FAM13C: variants seen among roughly 807,000 people sequenced by gnomAD.
FAM13C encodes protein FAM13C.
In FAM13C, 37 loss-of-function variants were observed where a neutral mutation model predicts 73.2. The ratio of observed to expected loss-of-function variants is 0.51; its 90% CI spans 0.39 to 0.67. The LOEUF (loss-of-function observed/expected upper bound fraction) is 0.67. Among genes scored for constraint, FAM13C ranks in the 30% least tolerant of loss-of-function variants. FAM13C has a pLI of 0.00. For synonymous variants in FAM13C, 246 were observed against 260.9 expected (o/e 0.94, Z 0.55); for missense variants, 589 against 715.6 (o/e 0.82, Z 2.02).
At chr10:59,312,690 C>G (rs1564566644) in intron 4 of FAM13C, among the ~76,000 whole-genome samples, 1 of 152,208 alleles carries the variant, frequency 6.6e-6, no homozygotes, top group Non-Finnish European at 1.5e-5. Flanking sequence ...CAGTTCAGCA[C>G]ACTCCAGCTT....
intron 10 of FAM13C, among the ~76,000 whole-genome samples, chr10:59,260,285 T>C (rs896411100): frequency 2.6e-5 from 4 of 152,206 alleles, no homozygotes; most frequent in African/African-American, 9.6e-5. Context: ...AATCACGTCA[T>C]GTCACTTTTC....
At chr10:59,330,639 T>C (rs1851847370) in intron 3 of FAM13C, among the ~76,000 whole-genome samples, 2 of 152,042 alleles carry the variant, frequency 1.3e-5, no homozygotes, top group African/African-American at 4.8e-5. Flanking sequence ...ATAGCTGCCT[T>C]GAGTATTTTG....
At chr10:59,351,836 A>G (rs567983647) in intron 3 of FAM13C, among the ~76,000 whole-genome samples, 7 of 152,224 alleles carry the variant, frequency 4.6e-5, no homozygotes, top group Non-Finnish European at 7.4e-5. Flanking sequence ...TCTACTAAAA[A>G]TACAAAAAAA....
At chr10:59,281,248 T>C (rs1024724917) in intron 6 of FAM13C, among the ~76,000 whole-genome samples, 2 of 152,172 alleles carry the variant, frequency 1.3e-5, no homozygotes, top group African/African-American at 4.8e-5. Context: ...TAGAAATCCA[T>C]CCCTGAGTTA....
intron 4 of FAM13C, among the ~76,000 whole-genome samples, chr10:59,307,585 G>A (rs1010343381): frequency 8.5e-5 from 13 of 152,300 alleles, no homozygotes; most frequent in African/African-American, 2.4e-4. Flanking sequence ...AAACACCAAA[G>A]ATGTGCTAGG....
Position 59,246,851 on chromosome 10 carries a change from C to A in FAM13C, c.*763G>T, listed in dbSNP as rs1042652526. 3.7e-5 allele frequency: 14 copies of A among 380,756 alleles called. No homozygotes were observed. The highest frequency in any genetic ancestry group is 9.0e-5 in the Admixed American group (2 of 22,322). The allele number at this position is 380,756 out of a possible 1,614,324, so 23.6% of individuals were successfully genotyped here. On this transcript the variant is annotated 3_prime_UTR_variant, in exon 14 of 14. Coordinates refer to ENST00000618804, the MANE Select transcript of FAM13C (RefSeq NM_198215.4). ...TACTATGGACACATTAGATTATATA[C>A]TACAGACACATATCTATCCAAAATA...
chr10:59,355,521 G>T (rs1245094430), intron 2 of FAM13C, among the ~76,000 whole-genome samples: 3 of 152,284 alleles, frequency 2.0e-5, no homozygotes, highest in Admixed American at 2.0e-4. Flanking sequence ...GTTTTTCCAC[G>T]ATACTATAAG....
chr10:59,260,208 T>G (rs1395308651), intron 10 of FAM13C, among the ~76,000 whole-genome samples: 1 of 152,092 alleles, frequency 6.6e-6, no homozygotes. Flanking sequence ...CCATTCCATC[T>G]CCCCTTTTCA....
intron 5 of FAM13C, among the ~76,000 whole-genome samples, chr10:59,289,729 G>C (rs1012185576): frequency 1.3e-5 from 2 of 152,108 alleles, no homozygotes; most frequent in African/African-American, 4.8e-5. Flanking sequence ...CTTCCATCAT[G>C]CCCGACTTAG....
intron 6 of FAM13C, among the ~76,000 whole-genome samples, chr10:59,283,158 G>T (rs183267451): frequency 3.6e-4 from 55 of 152,208 alleles, no homozygotes; most frequent in African/African-American, 1.3e-3. Flanking sequence ...ACTCTTGGCC[G>T]CATCTAGACA....
chr10:59,357,701 C>A (rs776904997), intron 1 of FAM13C, among the ~76,000 whole-genome samples: 9 of 152,176 alleles, frequency 5.9e-5, no homozygotes, highest in African/African-American at 9.6e-5. Flanking sequence ...GATACTTACT[C>A]CCTATTTCTG....
chr10:59,357,046 C>A (rs1345710272), intron 1 of FAM13C, among the ~76,000 whole-genome samples: 1 of 152,160 alleles, frequency 6.6e-6, no homozygotes, highest in Non-Finnish European at 1.5e-5. Flanking sequence ...CCTTTGGCCA[C>A]AGACTGAAGG....
chr10:59,258,433 T>A (rs1297807731), intron 10 of FAM13C, among the ~76,000 whole-genome samples: 1 of 152,190 alleles, frequency 6.6e-6, no homozygotes, highest in Non-Finnish European at 1.5e-5. Context: ...CAGTGAGCTA[T>A]GATTGTGCCA....
intron 4 of FAM13C, among the ~76,000 whole-genome samples, chr10:59,310,149 A>C (rs1848754130): frequency 6.6e-6 from 1 of 152,226 alleles, no homozygotes. Flanking sequence ...CTTAGAACTG[A>C]GCAGTGCTGA....
At chr10:59,319,000 G>T (rs578078889) in intron 4 of FAM13C, among the ~76,000 whole-genome samples, 1 of 151,220 alleles carries the variant, frequency 6.6e-6, no homozygotes, top group South Asian at 2.1e-4. Context: ...TTCTGTCTCT[G>T]TTTAGCAGAA....
intron 3 of FAM13C, among the ~76,000 whole-genome samples, chr10:59,341,674 A>C (rs528058828): frequency 5.9e-5 from 9 of 152,246 alleles, no homozygotes; most frequent in South Asian, 2.1e-4. Flanking sequence ...CGGCAACAAG[A>C]GCAAAACTCC....
chr10:59,292,696 A>G (rs920717050), intron 5 of FAM13C, among the ~76,000 whole-genome samples: 3 of 152,264 alleles, frequency 2.0e-5, no homozygotes, highest in African/African-American at 7.2e-5. Context: ...CTAATTTTTA[A>G]GTTATATATT....
At chr10:59,356,973 C>T (rs977918847) in intron 1 of FAM13C, among the ~76,000 whole-genome samples, 1 of 152,192 alleles carries the variant, frequency 6.6e-6, no homozygotes, top group Admixed American at 6.5e-5. Flanking sequence ...GAACATCAGA[C>T]TCTAAGTTCT....
chr10:59,255,527 C>G (rs1841870191), intron 10 of FAM13C, among the ~76,000 whole-genome samples: 1 of 152,104 alleles, frequency 6.6e-6, no homozygotes. Flanking sequence ...TTCTGCATGT[C>G]TAGTACACAT....
Sources: gnomAD v4.1 joint callset for allele counts (sites outside exome capture counted in the v4.1 genomes callset) on GRCh38, gnomAD v4.1.1 for gene constraint, MANE v1.5 for transcripts, NCBI Gene and HGNC (gene_info 2026-07-23, HGNC 2026-07-21) for gene names.